The following ZNF695 variants were observed in gnomAD, a reference collection of about 807,000 sequenced individuals.
The protein encoded by ZNF695 is zinc finger protein 695, also known as zinc finger protein SBZF3.
ZNF695 carries 11 observed loss-of-function variants against 11.2 expected under a neutral mutation model. The ratio of observed to expected loss-of-function variants is 0.98; its 90% CI spans 0.62 to 1.62. ZNF695 has a LOEUF of 1.62. Ranked by LOEUF, ZNF695 falls within the 40% of genes most tolerant of loss-of-function variation. The pLI is 0.00. For synonymous variants in ZNF695, 190 were observed against 201.4 expected, an observed-to-expected ratio of 0.94 and a Z score of 0.48; for missense variants, 559 against 590.5, an observed-to-expected ratio of 0.95 and a Z score of 0.55.
intron 5 of ZNF695, among the ~76,000 whole-genome samples, chr1:246,956,966 A>G (rs1668017799): frequency 1.3e-5 from 2 of 152,226 alleles, no homozygotes; most frequent in Non-Finnish European, 2.9e-5. Context: ...TGAACTTTCT[A>G]TTGGTTCAGT....
intron 1 of ZNF695, among the ~76,000 whole-genome samples, chr1:247,001,571 C>T (rs1391102982): frequency 1.3e-5 from 2 of 151,362 alleles, no homozygotes; most frequent in African/African-American, 4.9e-5. Flanking sequence ...AAATTAGCTA[C>T]ACGTGGTGGC....
chr1:246,989,487 A>C (rs1283082516), intron 3 of ZNF695, among the ~76,000 whole-genome samples: 1 of 152,196 alleles, frequency 6.6e-6, no homozygotes, highest in Non-Finnish European at 1.5e-5. Flanking sequence ...GGATACACAA[A>C]AAATGAAAAT....
chr1:246,978,410 T>C (rs1307438689), intron 4 of ZNF695, among the ~76,000 whole-genome samples: 1 of 152,238 alleles, frequency 6.6e-6, no homozygotes, highest in East Asian at 1.9e-4. Flanking sequence ...TAATCTTTTG[T>C]AAGGTTTTAC....
chr1:247,000,445 G>A (rs952360684), intron 1 of ZNF695, among the ~76,000 whole-genome samples: 6 of 151,444 alleles, frequency 4.0e-5, no homozygotes, highest in East Asian at 3.9e-4. Flanking sequence ...GCAGTGAGCC[G>A]AGATCACACC....
In ZNF695 at chr1:246,979,208, G is replaced by C. The variant is rs537350584; in HGVS notation, c.390+8917C>G. On this transcript the variant is annotated intron_variant, in intron 4 of 5. Coordinates refer to the ZNF695 transcript ENST00000487338. ...GAGGAAACACTGAGATCCACAAGGGGAGATAACTCAAAAATAGAGTCCTTT... is the reference window on the plus strand; with the variant it reads ...GAGGAAACACTGAGATCCACAAGGGCAGATAACTCAAAAATAGAGTCCTTT... Among the ~76,000 whole-genome samples the C allele has an allele frequency of 7.9e-5, 12 of 152,326 alleles. No homozygotes were observed. In the South Asian group the frequency reaches 1.4e-3, roughly 18 times the overall value.
intron 5 of ZNF695, among the ~76,000 whole-genome samples, chr1:246,966,216 C>T (rs554527004): frequency 6.6e-5 from 10 of 152,104 alleles, no homozygotes; most frequent in South Asian, 2.1e-4. Flanking sequence ...AGGTCGGGCG[C>T]GGTGGCTCAC....
At chr1:246,949,034 T>C (rs1667807461) in intron 5 of ZNF695, among the ~76,000 whole-genome samples, 2 of 152,194 alleles carry the variant, frequency 1.3e-5, no homozygotes, top group Admixed American at 1.3e-4. Context: ...GAGGATGCTT[T>C]CAAGAATATT....
chr1:246,965,406 G>A (rs1238716034), intron 5 of ZNF695, among the ~76,000 whole-genome samples: 5 of 150,430 alleles, frequency 3.3e-5, no homozygotes, highest in African/African-American at 7.3e-5. Context: ...TAGCACGCTC[G>A]GCCCATTTGC....
At chr1:246,988,455 A>G (rs1668922241) in intron 3 of ZNF695, among the ~76,000 whole-genome samples, 200 bp from the exon 4 acceptor site, 1 of 150,838 alleles carries the variant, frequency 6.6e-6, no homozygotes, top group Admixed American at 6.6e-5. Flanking sequence ...CCAAAGGGGG[A>G]AAAAAAGAAA....
chr1:246,976,666 C>T lies in ZNF695; in HGVS notation c.391-8874G>A, dbSNP rs796883915. 4.6e-5 allele frequency among the ~76,000 whole-genome samples: 7 copies of T among 152,008 alleles called. No homozygotes were observed. In the South Asian group the frequency reaches 8.3e-4, roughly 18 times the overall value. ...AAAATTAGCCAGGCATGGTGGCGGGCACCTGTAGTCCCAGCTACTCGGGAG... is the reference window on the plus strand; with the variant it reads ...AAAATTAGCCAGGCATGGTGGCGGGTACCTGTAGTCCCAGCTACTCGGGAG... On this transcript the variant is annotated intron_variant, in intron 4 of 5. Coordinates refer to the ZNF695 transcript ENST00000487338.
rs117398610 is a variant in ZNF695 at position 246,947,692 on chromosome 1, C to T, written c.489-1865G>A. Among the ~76,000 whole-genome samples, 107 of 152,254 alleles carry T rather than the reference C, an allele frequency of 7.0e-4. 3 individuals are homozygous for T. The East Asian group carries it at 0.019, about 27-fold the overall frequency. On this transcript the variant is annotated intron_variant, in intron 5 of 5. Transcript: ENST00000487338. ...TTCACAGTCTCTTGATTTAATCCCA[C>T]GGATGGATAATTCTATCCATAATGG...
chr1:246,987,788 C>A lies in ZNF695; in HGVS notation c.727G>T (p.Glu243Ter). 1 of 1,606,306 alleles carries A rather than the reference C, an allele frequency of 6.2e-7. No individual in the cohort carries two copies. The highest frequency in any genetic ancestry group is 8.5e-7 in the Non-Finnish European group (1 of 1,177,734). The change falls in exon 4 of 4, where the codon GAA becomes TAA. Residue 243 changes from glutamate to a stop codon, truncating the protein, a stop_gained. Coordinates refer to ENST00000339986, the MANE Select transcript of ZNF695 (RefSeq NM_020394.5). LOFTEE classifies it low-confidence loss of function (END_TRUNC). ...GACTTAAAAATGTTATTACATTCTT[C>A]ACATTTGCAATGTTTCTCTCCAACA... ...IHVGEKHCKCEECNNIFKSCS... is the reference protein window; with the variant it reads ...IHVGEKHCKC
At chr1:246,948,117 AGACT>A (rs1273603757) in intron 5 of ZNF695, among the ~76,000 whole-genome samples, 1 of 152,094 alleles carries the variant, frequency 6.6e-6, no homozygotes, top group African/African-American at 2.4e-5. Context: ...CCTGTCACTC[AGACT>A]GGAATGCAGT....
chr1:246,976,570 A>ATG (rs1558310683), intron 4 of ZNF695, among the ~76,000 whole-genome samples: 2 of 151,426 alleles, frequency 1.3e-5, no homozygotes, highest in East Asian at 3.9e-4. Flanking sequence ...CAAGGCGGGC[A>ATG]GATCACGAGG....
In ZNF695 at chr1:246,986,723, T is replaced by A; in HGVS notation, c.*244A>T. ...AATACAGTTTGAGCAACTGGAGGGTTTCCCTCCAGTATAAATTCTTCTGTG... is the reference window on the plus strand; with the variant it reads ...AATACAGTTTGAGCAACTGGAGGGTATCCCTCCAGTATAAATTCTTCTGTG... On this transcript the variant is annotated 3_prime_UTR_variant, in exon 4 of 4. Transcript: ENST00000339986. 1 of 1,189,170 alleles carries A rather than the reference T, an allele frequency of 8.4e-7. No homozygotes were observed. The allele number at this position is 1,189,170 out of a possible 1,614,324, so 73.7% of individuals were successfully genotyped here.
At chr1:246,982,397 T>C (rs1274130648), downstream of ZNF695, among the ~76,000 whole-genome samples, 1 of 152,170 alleles carries the variant, frequency 6.6e-6, no homozygotes. Flanking sequence ...TGTAAGTGTT[T>C]CATAGAAAAT....
chr1:247,004,982 ATGT>A lies in ZNF695; in HGVS notation c.3+2921_3+2923del, dbSNP rs1202751993. 2.8e-5 allele frequency among the ~76,000 whole-genome samples: 4 copies of A among 144,384 alleles called. No individual in the cohort carries two copies. The East Asian group carries it at 5.8e-4, about 21-fold the overall frequency. 94.7% of individuals were successfully genotyped at this position (144,384 alleles called of 152,430 possible). A position where few individuals can be genotyped will look rare whatever the true frequency, so the allele number is the denominator to read the frequency against. ...GTTCATGGATTGGAAGACTGTTAAA[ATGT>A]TACTGTTAAAATGTCCGTAACTCCA... On this transcript the variant is annotated intron_variant, in intron 1 of 3. Transcript: ENST00000339986.
chr1:246,955,362 T>C (rs1268631576), intron 5 of ZNF695, among the ~76,000 whole-genome samples: 1 of 152,182 alleles, frequency 6.6e-6, no homozygotes, highest in African/African-American at 2.4e-5. Flanking sequence ...GTGATAGAAA[T>C]TTTTCAGCTC....
rs1018963301 is a variant in ZNF695 at position 247,008,051 on chromosome 1, G to A, written c.-143C>T. 4.6e-6 allele frequency: 4 copies of A among 879,024 alleles called. No homozygotes were observed. Among genetic ancestry groups the A allele is most frequent in the Non-Finnish European group, 4.7e-6 (3 of 638,790 alleles). 54.5% of individuals were successfully genotyped at this position (879,024 alleles called of 1,614,324 possible). ...CCCAGCACCCCGCCGGCCGCAAGGAGACAAAGGCCCCGCCAGATCCCCAAG... is the reference window on the plus strand; with the variant it reads ...CCCAGCACCCCGCCGGCCGCAAGGAAACAAAGGCCCCGCCAGATCCCCAAG... On this transcript the variant is annotated 5_prime_UTR_variant, in exon 1 of 4. Coordinates refer to ENST00000339986, the MANE Select transcript of ZNF695 (RefSeq NM_020394.5).
Sources: allele counts gnomAD v4.1 joint callset (sites outside exome capture counted in the v4.1 genomes callset), GRCh38; gene constraint gnomAD v4.1.1; transcripts MANE v1.5; gene names NCBI Gene and HGNC (gene_info 2026-07-23, HGNC 2026-07-21).